NEK3: variants seen among roughly 807,000 people sequenced by gnomAD.
NEK3 encodes the protein serine/threonine-protein kinase Nek3.
NEK3 carries 54 observed loss-of-function variants against 66.0 expected under a neutral mutation model. The observed-to-expected ratio is 0.82, with a 90% CI of 0.66 to 1.03. NEK3 has a LOEUF of 1.03. Among genes scored for constraint, NEK3 ranks in the 50% least tolerant of loss-of-function variants. NEK3 has a pLI of 0.00. For missense variants in NEK3, 593 were observed against 603.0 expected (o/e 0.98, Z 0.17); for synonymous variants, 200 against 206.2 (o/e 0.97, Z 0.26).
At chr13:52,155,173 T>C (rs1432334578) in intron 2 of NEK3, among the ~76,000 whole-genome samples, 1 of 151,930 alleles carries the variant, frequency 6.6e-6, no homozygotes, top group Non-Finnish European at 1.5e-5. Context: ...AGTTTGAAAA[T>C]CACTGAACGA....
chr13:52,145,497 G>GA (rs1464970874), intron 8 of NEK3, among the ~76,000 whole-genome samples: 4 of 151,830 alleles, frequency 2.6e-5, no homozygotes, highest in Non-Finnish European at 5.9e-5. Flanking sequence ...TCTTTTTTTA[G>GA]ACGCAGGGTC....
At chr13:52,141,169 G>A in intron 10 of NEK3, 100 bp from the exon 11 acceptor site, 1 of 1,036,020 alleles carries the variant, frequency 9.7e-7, no homozygotes. Flanking sequence ...AGTGAGTGAG[G>A]TTATTAAAGT....
At chr13:52,144,977 T>TACA in intron 8 of NEK3, 86 bp from the exon 9 acceptor site, 1 of 893,058 alleles carries the variant, frequency 1.1e-6, no homozygotes, top group Non-Finnish European at 1.8e-6. Context: ...TATTCTAATT[T>TACA]TATAAACATA....
chr13:52,138,453 A>G (rs1018920718), intron 11 of NEK3, among the ~76,000 whole-genome samples: 6 of 152,214 alleles, frequency 3.9e-5, no homozygotes, highest in Non-Finnish European at 7.3e-5. Flanking sequence ...ACTGGAAAAA[A>G]CAGACATTAC....
rs1956371242 is a variant in NEK3 at position 52,154,082 on chromosome 13, T to G, written c.209A>C (p.Glu70Ala). 6.2e-7 allele frequency: 1 copy of G among 1,610,752 alleles called. No individual in the cohort carries two copies. Among genetic ancestry groups the G allele is most frequent in the Non-Finnish European group, 8.5e-7 (1 of 1,177,694 alleles). The change falls in exon 3 of 16, where the codon GAA (glutamate) becomes GCA (alanine). Residue 70 changes from glutamate (E) to alanine (A), a missense_variant and splice_region_variant. Transcript: ENST00000610828. ...PNIVAFKESF[E>A]AEGHLYIVME... ...TATCTGGGGGAATTCGTATTTACCT[T>G]CAAATGATTCTTTGAAGGCAACAAT...
chr13:52,144,865 A>G lies in NEK3; in HGVS notation c.630T>C (p.Leu210=), dbSNP rs1002765549. The G allele has an allele frequency of 1.9e-6, 3 of 1,608,290 alleles. No individual in the cohort carries two copies. ...TGCACCCTTGACATACTTTGAGGAT[A>G]AGATTTTTCCAACTATTTGCCTGAA... ...HPFQANSWKN[L]ILKVCQGCIS... is the part of the protein sequence containing the mutation. The change falls in exon 9 of 16, where the codon CTT becomes CTC. Residue 210 remains leucine (L), a synonymous_variant. Transcript: ENST00000610828.
rs760670086 is a variant in NEK3, at chr13:52,144,828, G to C, written c.667C>G (p.Pro223Ala). ...TGAAGTTCATAGGAGTAATGAGACG[G>C]CAGTGGACTGATGCACCCTTGACAT... Reference protein sequence around the residue: ...KVCQGCISPLPSHYSYELQFL... With the variant: ...KVCQGCISPLASHYSYELQFL... Residue 223 changes from proline to alanine, a missense_variant, in exon 9 of 16, where the codon CCG (proline) becomes GCG (alanine). Transcript: ENST00000610828. 1 of 1,612,852 alleles carries C rather than the reference G, an allele frequency of 6.2e-7. No homozygotes were observed. The highest frequency in any genetic ancestry group is 1.7e-5 in the Admixed American group (1 of 59,930).
intron 9 of NEK3, among the ~76,000 whole-genome samples, chr13:52,144,348 G>A (rs562203963): frequency 1.4e-4 from 21 of 152,242 alleles, no homozygotes; most frequent in African/African-American, 4.8e-4. Context: ...CCAGGGAGGT[G>A]GAGGTTGCAG....
At chr13:52,133,322 C>CT in intron 15 of NEK3, 96 bp from the exon 16 acceptor site, 1 of 1,043,844 alleles carries the variant, frequency 9.6e-7, no homozygotes, top group Non-Finnish European at 1.4e-6. Flanking sequence ...AATACTTAAG[C>CT]TTTTGAAAAT....
chr13:52,158,564 GCAAC>G (rs1424690703), intron 1 of NEK3, among the ~76,000 whole-genome samples: 3 of 152,166 alleles, frequency 2.0e-5, no homozygotes, highest in Non-Finnish European at 4.4e-5. Flanking sequence ...AAAATTAAGA[GCAAC>G]CAGACTTCTT....
At chr13:52,152,787 C>T (rs541813376) in intron 4 of NEK3, 95 bp from the exon 5 acceptor site, 15 of 708,692 alleles carry the variant, frequency 2.1e-5, no homozygotes, top group Middle Eastern at 3.0e-4. Context: ...CTTAGTCAAC[C>T]GGGATTTTAC....
In NEK3 at chr13:52,152,652, T is replaced by A; in HGVS notation, c.350A>T (p.His117Leu). 6.2e-7 allele frequency: 1 copy of A among 1,611,716 alleles called. No homozygotes were observed. The highest frequency in any genetic ancestry group is 8.5e-7 in the Non-Finnish European group (1 of 1,178,920). Residue 117 changes from histidine (H) to leucine (L), a missense_variant, in exon 5 of 16, where the codon CAC becomes CTC. By Grantham distance (99) the His-to-Leu change is moderately conservative. Transcript: ENST00000610828. Reference sequence around the variant, plus strand: ...GTGTAGCACACGTTTCTTGTGAATGTGATTTACTCCAAGGCACATTTGGGT... The same window carrying A: ...GTGTAGCACACGTTTCTTGTGAATGAGATTTACTCCAAGGCACATTTGGGT... ...WFTQMCLGVN[H>L]IHKKRVLHRD... is the part of the protein sequence containing the mutation.
chr13:52,133,614 AT>A (rs1956174096), intron 15 of NEK3, 74 bp downstream of exon 15: 16 of 647,534 alleles, frequency 2.5e-5, no homozygotes, highest in Middle Eastern at 4.2e-4. Flanking sequence ...TCTAATTTAA[AT>A]CACACACACA....
rs1387762092 is a variant in NEK3, at chr13:52,132,736, C to T, written c.*406G>A. 1 of 163,714 alleles carries T rather than the reference C, an allele frequency of 6.1e-6. No homozygotes were observed. The highest frequency in any genetic ancestry group is 1.9e-4 in the South Asian group (1 of 5,354). 10.1% of individuals were successfully genotyped at this position (163,714 alleles called of 1,614,324 possible). A position where few individuals can be genotyped will look rare whatever the true frequency, so the allele number is the denominator to read the frequency against. ...ACACATATCATAATGTGAATAATAT[C>T]ATACGGGCTGCTATAAAGGTCTGTG... On this transcript the variant is annotated 3_prime_UTR_variant, in exon 16 of 16. Coordinates refer to ENST00000610828, the MANE Select transcript of NEK3 (RefSeq NM_002498.3).
rs979715831 is a variant in NEK3, at chr13:52,136,724, T to C, written c.1030+76A>G. The C allele has an allele frequency of 5.9e-5, 48 of 809,660 alleles. No homozygotes were observed. The Middle Eastern group carries it at 1.3e-3, about 22-fold the overall frequency. The allele number at this position is 809,660 out of a possible 1,614,324, so 50.2% of individuals were successfully genotyped here. On this transcript the variant is annotated intron_variant, in intron 12 of 15. Coordinates refer to ENST00000610828, the MANE Select transcript of NEK3 (RefSeq NM_002498.3). ...TCAGCTTGTACTCTTGTTTATGATA[T>C]CTGAGACCTAGTAACATAAAAATTG...
chr13:52,140,286 C>T (rs1956237217), intron 11 of NEK3, among the ~76,000 whole-genome samples: 1 of 149,546 alleles, frequency 6.7e-6, no homozygotes, highest in East Asian at 2.0e-4. Context: ...AATTCTTCCA[C>T]ATCTGTATTG....
At chr13:52,144,058 TCATCATCAG>T in intron 9 of NEK3, 71 bp from the exon 10 acceptor site, 1 of 813,896 alleles carries the variant, frequency 1.2e-6, no homozygotes, top group Non-Finnish European at 1.9e-6. Context: ...TGATGTCATT[TCATCATCAG>T]CATTCTTTAG....
intron 11 of NEK3, among the ~76,000 whole-genome samples, chr13:52,137,706 C>G (rs971330628): frequency 2.6e-5 from 4 of 152,100 alleles, no homozygotes; most frequent in East Asian, 1.9e-4. Context: ...TGTGAAAAGC[C>G]CCCCAGGGGA....
intron 4 of NEK3, 29 bp downstream of exon 4, chr13:52,153,866 G>A: frequency 6.7e-7 from 1 of 1,497,742 alleles, no homozygotes; most frequent in Non-Finnish European, 9.3e-7. Context: ...TCTAAACCTT[G>A]AGAGAAACTA....
Sources: allele counts gnomAD v4.1 joint callset (sites outside exome capture counted in the v4.1 genomes callset), GRCh38; gene constraint gnomAD v4.1.1; transcripts MANE v1.5; gene names NCBI Gene and HGNC (gene_info 2026-07-23, HGNC 2026-07-21).